The following GABRB2 variants were observed in gnomAD, a reference collection of about 807,000 sequenced individuals.
GABRB2 encodes the protein gamma-aminobutyric acid receptor subunit beta-2.
A neutral mutation model predicts 54.7 loss-of-function variants in GABRB2; 16 were observed. The observed-to-expected ratio is 0.29, with a 90% CI of 0.20 to 0.44. GABRB2 has a LOEUF of 0.44. Among genes scored for constraint, GABRB2 ranks in the 20% least tolerant of loss-of-function variants. The pLI is 1.00. For missense variants in GABRB2, 355 were observed against 644.0 expected (o/e 0.55, Z 4.86); for synonymous variants, 244 against 233.8 (o/e 1.04, Z -0.40).
intron 3 of GABRB2, among the ~76,000 whole-genome samples, chr5:161,489,472 GACAA>G (rs541056171): frequency 1.3e-4 from 19 of 151,734 alleles, no homozygotes; most frequent in Non-Finnish European, 2.5e-4. Flanking sequence ...GAAAACAAAA[GACAA>G]ACAGAGTAGA....
At chr5:161,356,593 T>A (rs567881292) in intron 5 of GABRB2, among the ~76,000 whole-genome samples, 5 of 152,236 alleles carry the variant, frequency 3.3e-5, no homozygotes, top group African/African-American at 1.2e-4. Context: ...ATCATTAGAA[T>A]ATGAAAAGGT....
intron 4 of GABRB2, among the ~76,000 whole-genome samples, chr5:161,444,545 A>G (rs1264585767): frequency 6.6e-6 from 1 of 152,186 alleles, no homozygotes; most frequent in East Asian, 1.9e-4. Context: ...ATAACATAAC[A>G]TAAGAAAATG....
intron 5 of GABRB2, among the ~76,000 whole-genome samples, chr5:161,367,209 A>T (rs974549114): frequency 2.0e-5 from 3 of 152,196 alleles, no homozygotes; most frequent in African/African-American, 4.8e-5. Context: ...AATTTCTTCA[A>T]ATTATCATTT....
At chr5:161,478,480 C>T (rs1431572220) in intron 3 of GABRB2, among the ~76,000 whole-genome samples, 1 of 152,006 alleles carries the variant, frequency 6.6e-6, no homozygotes, top group Admixed American at 6.6e-5. Flanking sequence ...GCCTACAACA[C>T]ATTGGCCAGA....
intron 5 of GABRB2, among the ~76,000 whole-genome samples, chr5:161,352,909 A>G (rs1399407060): frequency 6.6e-6 from 1 of 151,974 alleles, no homozygotes; most frequent in Non-Finnish European, 1.5e-5. Flanking sequence ...GAACAAACAC[A>G]ATTTTTGGAA....
rs769551029 is a variant in GABRB2 at position 161,545,292 on chromosome 5, G to A, written c.172C>T (p.Pro58Ser). ...DIRLRPDFGGPPVAVGMNIDI... is the reference protein window; with the variant it reads ...DIRLRPDFGGSPVAVGMNIDI... ...ATGTTCATCCCCACAGCCACGGGGGGACCTGCAAAGCAAGACGGCCAGCCA... is the reference window on the plus strand; with the variant it reads ...ATGTTCATCCCCACAGCCACGGGGGAACCTGCAAAGCAAGACGGCCAGCCA... The change falls in exon 3 of 10, where the codon CCC becomes TCC. Residue 58 changes from proline to serine, a missense_variant and splice_region_variant. By Grantham distance (74) the Pro-to-Ser change is moderately conservative. This residue lies in a region of GABRB2 where 42 missense variants were observed against 99.7 expected (regional missense o/e 0.42). Coordinates refer to ENST00000393959, the MANE Select transcript of GABRB2 (RefSeq NM_001371727.1). 3 of 1,595,462 alleles carry A rather than the reference G, an allele frequency of 1.9e-6. No individual in the cohort carries two copies. Among genetic ancestry groups the A allele is most frequent in the Non-Finnish European group, 2.6e-6 (3 of 1,172,844 alleles).
chr5:161,324,129 T>C (rs1351518131), intron 9 of GABRB2, among the ~76,000 whole-genome samples: 1 of 152,168 alleles, frequency 6.6e-6, no homozygotes, highest in East Asian at 1.9e-4. Flanking sequence ...TTAGAAATGG[T>C]GTATACTTAT....
Position 161,459,860 on chromosome 5 carries a change from A to G in GABRB2, c.238-16T>C. The stretch of plus-strand genomic sequence containing the variant: ...AGGTATAATCCTGTAAATGTGAGAA[A>G]AAAAAACATGGTTAGTTTACACCCA... On this transcript the variant is annotated splice_polypyrimidine_tract_variant and intron_variant, in intron 3 of 9. Transcript: ENST00000393959. The G allele has an allele frequency of 6.5e-7, 1 of 1,533,952 alleles. No individual in the cohort carries two copies. Among genetic ancestry groups the G allele is most frequent in the Middle Eastern group, 1.7e-4 (1 of 5,886 alleles).
chr5:161,454,557 A>G (rs1421342856), intron 4 of GABRB2, among the ~76,000 whole-genome samples: 1 of 152,188 alleles, frequency 6.6e-6, no homozygotes, highest in African/African-American at 2.4e-5. Flanking sequence ...ATAATTTCCC[A>G]TCCATGCTTC....
At chr5:161,485,735 T>C (rs907012100) in intron 3 of GABRB2, among the ~76,000 whole-genome samples, 2 of 151,922 alleles carry the variant, frequency 1.3e-5, no homozygotes, top group African/African-American at 4.8e-5. Flanking sequence ...TCCTAGTTCA[T>C]AGATTGCCAT....
At chr5:161,326,994 A>G in intron 8 of GABRB2, 1 of 984,440 alleles carries the variant, frequency 1.0e-6, no homozygotes, top group Non-Finnish European at 1.2e-6. Flanking sequence ...ACTTGAAGCT[A>G]CGGGCAAGAA....
At chr5:161,470,675 C>T (rs963464082) in intron 3 of GABRB2, among the ~76,000 whole-genome samples, 3 of 151,750 alleles carry the variant, frequency 2.0e-5, no homozygotes, top group Non-Finnish European at 2.9e-5. Flanking sequence ...AGCGGGATGG[C>T]GAGAGATTTC....
intron 3 of GABRB2, among the ~76,000 whole-genome samples, chr5:161,492,775 G>A (rs1207162994): frequency 2.0e-5 from 3 of 151,650 alleles, no homozygotes; most frequent in African/African-American, 4.8e-5. Context: ...AAACGGGATC[G>A]TCCTGCACAT....
chr5:161,436,026 A>G (rs929394807), intron 4 of GABRB2, among the ~76,000 whole-genome samples: 1 of 152,208 alleles, frequency 6.6e-6, no homozygotes, highest in Non-Finnish European at 1.5e-5. Context: ...GGGGCAATAC[A>G]GAGTAACTGT....
At chr5:161,522,174 G>A (rs1475890120) in intron 3 of GABRB2, among the ~76,000 whole-genome samples, 1 of 151,816 alleles carries the variant, frequency 6.6e-6, no homozygotes, top group African/African-American at 2.4e-5. Flanking sequence ...ATAGCCTCAT[G>A]TACATTTAAT....
intron 5 of GABRB2, among the ~76,000 whole-genome samples, chr5:161,374,262 C>T (rs55736374): frequency 3.9e-5 from 6 of 152,096 alleles, no homozygotes; most frequent in African/African-American, 1.4e-4. Context: ...CTCTTTTGAG[C>T]TCTATCCTAT....
chr5:161,384,698 C>G (rs1755570508), intron 5 of GABRB2, among the ~76,000 whole-genome samples: 2 of 152,120 alleles, frequency 1.3e-5, no homozygotes, highest in African/African-American at 4.8e-5. Context: ...AGCCCAGAGA[C>G]AACATAAGAG....
At chr5:161,516,432 C>A (rs1759950620) in intron 3 of GABRB2, among the ~76,000 whole-genome samples, 3 of 152,086 alleles carry the variant, frequency 2.0e-5, no homozygotes, top group Non-Finnish European at 4.4e-5. Context: ...TGCCTACCAA[C>A]AATGTAATTT....
At chr5:161,408,071 G>A (rs1351949663) in intron 5 of GABRB2, among the ~76,000 whole-genome samples, 1 of 151,916 alleles carries the variant, frequency 6.6e-6, no homozygotes, top group Non-Finnish European at 1.5e-5. Flanking sequence ...AGCAATTTTA[G>A]CAATGCAATT....
Sources: gnomAD v4.1 joint callset for allele counts (sites outside exome capture counted in the v4.1 genomes callset) on GRCh38, gnomAD v4.1.1 for gene constraint, gnomAD v4.1.1 regional missense constraint, MANE v1.5 for transcripts, NCBI Gene and HGNC (gene_info 2026-07-23, HGNC 2026-07-21) for gene names.